RAMP3: variants seen among roughly 807,000 people sequenced by gnomAD.
RAMP3 encodes receptor activity modifying protein 3.
RAMP3 carries 14 observed loss-of-function variants against 13.5 expected under a neutral mutation model. The ratio of observed to expected loss-of-function variants is 1.04; its 90% CI spans 0.69 to 1.63. RAMP3 has a LOEUF of 1.63. RAMP3 is among the 40% of genes most tolerant of loss of function. RAMP3 has a pLI of 0.00. For synonymous variants in RAMP3, 106 were observed against 88.3 expected (o/e 1.20, Z -1.12); for missense variants, 200 against 204.8 (o/e 0.98, Z 0.14).
chr7:45,181,732 T>C (rs1019497910), intron 2 of RAMP3, among the ~76,000 whole-genome samples: 4 of 152,114 alleles, frequency 2.6e-5, no homozygotes, highest in Non-Finnish European at 5.9e-5. Context: ...TGAGGGTTTG[T>C]CCATGGACCT....
At chr7:45,161,415 A>G (rs985172017) in intron 1 of RAMP3, among the ~76,000 whole-genome samples, 1 of 151,994 alleles carries the variant, frequency 6.6e-6, no homozygotes, top group African/African-American at 2.4e-5. Context: ...ACTTATCAGG[A>G]CCTTGTCCCT....
chr7:45,182,451 A>T (rs1414442557), intron 2 of RAMP3, among the ~76,000 whole-genome samples: 1 of 152,112 alleles, frequency 6.6e-6, no homozygotes, highest in Non-Finnish European at 1.5e-5. Flanking sequence ...CTTGGTGGCT[A>T]TAGCCCTTGG....
intron 2 of RAMP3, among the ~76,000 whole-genome samples, chr7:45,177,913 G>A (rs1028570146): frequency 2.6e-5 from 4 of 152,156 alleles, no homozygotes; most frequent in Non-Finnish European, 4.4e-5. Context: ...TGTCCAGTTC[G>A]GGGGTTCCCT....
At chr7:45,169,238 A>G (rs1786035206) in intron 1 of RAMP3, among the ~76,000 whole-genome samples, 1 of 152,144 alleles carries the variant, frequency 6.6e-6, no homozygotes, top group Non-Finnish European at 1.5e-5. Flanking sequence ...TTCTTTTCTT[A>G]TGATGTCTTT....
intron 1 of RAMP3, among the ~76,000 whole-genome samples, chr7:45,160,757 C>A (rs1190384313): frequency 6.6e-6 from 1 of 152,230 alleles, no homozygotes; most frequent in African/African-American, 2.4e-5. Flanking sequence ...CACAGGCCGG[C>A]ATGTTCTTTG....
chr7:45,182,242 C>T (rs186813528), intron 2 of RAMP3, among the ~76,000 whole-genome samples: 250 of 152,278 alleles, frequency 1.6e-3, no homozygotes, highest in African/African-American at 5.7e-3. Context: ...GCAGCACAGA[C>T]GTGGGGAAGT....
At chr7:45,181,061 A>G (rs1209485272) in intron 2 of RAMP3, among the ~76,000 whole-genome samples, 1 of 152,212 alleles carries the variant, frequency 6.6e-6, no homozygotes, top group Non-Finnish European at 1.5e-5. Flanking sequence ...CCTCTGTGCC[A>G]GGCACTTGCT....
rs756301390 is a variant in RAMP3, at chr7:45,177,502, A to G, written c.191+61A>G. The G allele has an allele frequency of 4.1e-4, 658 of 1,606,248 alleles. 1 individual carries two copies. The highest frequency in any genetic ancestry group is 5.0e-4 in the Non-Finnish European group (591 of 1,175,164). On this transcript the variant is annotated intron_variant, in intron 2 of 2. Transcript: ENST00000242249. ...CCACAGCGCTGCCCACTGCCCAACC[A>G]CTGCCTGACCACAGCCTGACCGCAC...
chr7:45,161,011 T>A (rs998131772), intron 1 of RAMP3, among the ~76,000 whole-genome samples: 1 of 152,248 alleles, frequency 6.6e-6, no homozygotes, highest in African/African-American at 2.4e-5. Context: ...GCCTGCCTTG[T>A]GCAGGCCCAG....
rs149640539 is a variant in RAMP3 at position 45,183,194 on chromosome 7, G to A, written c.229G>A (p.Ala77Thr). 5.6e-4 allele frequency: 901 copies of A among 1,613,242 alleles called. 1 individual carries two copies. Among genetic ancestry groups the A allele is most frequent in the Middle Eastern group, 4.8e-3 (29 of 6,062 alleles). ...ESFTNCTEME[A>T]NVVGCYWPNP... is the part of the protein sequence containing the mutation. ...TTTCACCAACTGCACCGAGATGGAGGCCAATGTCGTGGGCTGCTACTGGCC... is the reference window on the plus strand; with the variant it reads ...TTTCACCAACTGCACCGAGATGGAGACCAATGTCGTGGGCTGCTACTGGCC... Residue 77 changes from alanine to threonine, a missense_variant, in exon 3 of 3, where the codon GCC becomes ACC. Physicochemically the swap from Ala to Thr is moderately conservative, Grantham distance 58. Coordinates refer to ENST00000242249, the MANE Select transcript of RAMP3 (RefSeq NM_005856.3).
chr7:45,174,763 T>C (rs1448405196), intron 1 of RAMP3, among the ~76,000 whole-genome samples: 4 of 152,134 alleles, frequency 2.6e-5, no homozygotes, highest in Non-Finnish European at 5.9e-5. Context: ...CTATCTTCAG[T>C]CACTCCCCTA....
chr7:45,167,778 G>T (rs1015798407), intron 1 of RAMP3, among the ~76,000 whole-genome samples: 2 of 151,774 alleles, frequency 1.3e-5, no homozygotes, highest in Non-Finnish European at 2.9e-5. Flanking sequence ...TAGAGACGGG[G>T]TTTCTCCATG....
rs1402910275 is a variant in RAMP3 at position 45,157,810 on chromosome 7, C to G, written c.-19C>G. The stretch of plus-strand genomic sequence containing the variant: ...GCCCCCAGCGGGACCGAGCGTGACC[C>G]AGCTGCGGCCGGCCAGCCATGGAGA... On this transcript the variant is annotated 5_prime_UTR_variant, in exon 1 of 3. Coordinates refer to ENST00000242249, the MANE Select transcript of RAMP3 (RefSeq NM_005856.3). 1 of 1,442,674 alleles carries G rather than the reference C, an allele frequency of 6.9e-7. No homozygotes were observed. The allele number at this position is 1,442,674 out of a possible 1,614,324, so 89.4% of individuals were successfully genotyped here. A position where few individuals can be genotyped will look rare whatever the true frequency, so the allele number is the denominator to read the frequency against.
chr7:45,167,182 C>A (rs892383266), intron 1 of RAMP3, among the ~76,000 whole-genome samples: 2 of 152,144 alleles, frequency 1.3e-5, no homozygotes, highest in African/African-American at 4.8e-5. Flanking sequence ...TGGTCTCGAT[C>A]TCCTGACCTC....
intron 2 of RAMP3, among the ~76,000 whole-genome samples, chr7:45,181,459 T>C (rs1786313212): frequency 6.6e-6 from 1 of 152,194 alleles, no homozygotes; most frequent in African/African-American, 2.4e-5. Flanking sequence ...TTCTCCAGGG[T>C]CTGTCTGGCT....
At chr7:45,158,618 C>T (rs1340497712) in intron 1 of RAMP3, among the ~76,000 whole-genome samples, 1 of 152,096 alleles carries the variant, frequency 6.6e-6, no homozygotes, top group East Asian at 1.9e-4. Flanking sequence ...GGGAAGAGTG[C>T]TTGCTGAGGG....
chr7:45,166,616 T>G (rs1785966526), intron 1 of RAMP3, among the ~76,000 whole-genome samples: 1 of 152,192 alleles, frequency 6.6e-6, no homozygotes, highest in African/African-American at 2.4e-5. Context: ...GGTTGTCTTT[T>G]CACTCTCTTG....
At position 45,183,303 on chromosome 7, in the gene RAMP3, A is replaced by C; in HGVS notation, c.338A>C (p.Asp113Ala). The C allele has an allele frequency of 6.2e-7, 1 of 1,613,590 alleles. No homozygotes were observed. Among genetic ancestry groups the C allele is most frequent in the South Asian group, 1.1e-5 (1 of 91,052 alleles). ...NCTVDRVHLE[D>A]PPDEVLIPLI... ...ACCGTGGACAGGGTCCACTTGGAGG[A>C]CCCCCCAGACGAGGTTCTCATCCCG... Residue 113 changes from aspartate to alanine, a missense_variant, in exon 3 of 3, where the codon GAC becomes GCC. Asp to Ala is a moderately radical substitution (Grantham distance 126, BLOSUM62 -2). Transcript: ENST00000242249.
At chr7:45,177,517 C>G in intron 2 of RAMP3, 76 bp downstream of exon 2, 2 of 1,591,230 alleles carry the variant, frequency 1.3e-6, no homozygotes, top group Non-Finnish European at 8.6e-7. Flanking sequence ...CTGACCACAG[C>G]CTGACCGCAC....
Sources: allele counts gnomAD v4.1 joint callset (sites outside exome capture counted in the v4.1 genomes callset), GRCh38; gene constraint gnomAD v4.1.1; transcripts MANE v1.5; gene names NCBI Gene and HGNC (gene_info 2026-07-23, HGNC 2026-07-21).